The following ZNF407 variants were observed in gnomAD, a reference collection of about 807,000 sequenced individuals.
ZNF407 encodes zinc finger protein 407.
In ZNF407, 17 loss-of-function variants were observed where a neutral mutation model predicts 131.2. That is an observed-to-expected ratio of 0.13 (90% confidence interval 0.09 to 0.19). The LOEUF (loss-of-function observed/expected upper bound fraction) is 0.19, where lower values mean the gene tolerates loss of function less well. Ranked by LOEUF, ZNF407 falls within the 10% of genes least tolerant of loss-of-function variation. ZNF407 has a pLI of 1.00. For synonymous variants in ZNF407, 1,156 were observed against 1,062.0 expected, an observed-to-expected ratio of 1.09 and a Z score of -1.72; for missense variants, 2,681 against 2,830.6, an observed-to-expected ratio of 0.95 and a Z score of 1.20.
rs3992949 is a variant in ZNF407, at chr18:74,789,855, GTT to G, written c.4877+8367_4877+8368del. Among the ~76,000 whole-genome samples, 721 of 138,598 alleles carry G rather than the reference GTT, an allele frequency of 5.2e-3. 3 individuals carry two copies. The highest frequency in any genetic ancestry group is 0.015 in the African/African-American group (578 of 37,800). 90.9% of individuals were successfully genotyped at this position (138,598 alleles called of 152,430 possible). ...AATCTTTCCCTTATCTTTGTATCTG[GTT>G]TTTTTTTTTTTTTCCTCTGTACTTT... is the stretch of plus-strand genomic sequence containing the variant. On this transcript the variant is annotated intron_variant, in intron 4 of 8. Transcript: ENST00000299687.
chr18:74,920,279 T>C (rs1195974080), intron 7 of ZNF407, among the ~76,000 whole-genome samples: 1 of 152,188 alleles, frequency 6.6e-6, no homozygotes, highest in African/African-American at 2.4e-5. Flanking sequence ...TGGGATTTGG[T>C]ATTTCTGGTT....
intron 3 of ZNF407, among the ~76,000 whole-genome samples, chr18:74,734,709 G>GTT (rs869120395): frequency 4.3e-5 from 5 of 115,976 alleles, no homozygotes; most frequent in African/African-American, 2.5e-4. Flanking sequence ...GTGTGTGTGT[G>GTT]TTTTTGAGAG....
At chr18:74,638,401 A>G (rs1984558331) in intron 2 of ZNF407, among the ~76,000 whole-genome samples, 1 of 152,194 alleles carries the variant, frequency 6.6e-6, no homozygotes, top group Non-Finnish European at 1.5e-5. Context: ...AAGTGTTTGA[A>G]TGTTTAGGGA....
intron 3 of ZNF407, among the ~76,000 whole-genome samples, chr18:74,641,848 T>C (rs1984735584): frequency 6.6e-6 from 1 of 152,208 alleles, no homozygotes. Flanking sequence ...AGGTGGGTTT[T>C]AATACCCTGC....
rs141933053 is a variant in ZNF407, at chr18:74,771,373, G to A, written c.4803-10055G>A. 3.1e-3 allele frequency among the ~76,000 whole-genome samples: 478 copies of A among 152,082 alleles called. 5 individuals are homozygous for A. Among genetic ancestry groups the A allele is most frequent in the Middle Eastern group, 0.017 (5 of 290 alleles). ...AGATTTGAATACCTTTGAACTGCAG[G>A]TTTTTCCGTATTGTTTATTTAACAT... On this transcript the variant is annotated intron_variant, in intron 3 of 8. Transcript: ENST00000299687.
intron 4 of ZNF407, among the ~76,000 whole-genome samples, chr18:74,794,293 C>T (rs1969879735): frequency 6.6e-6 from 1 of 152,144 alleles, no homozygotes; most frequent in African/African-American, 2.4e-5. Context: ...TTGATGTTAG[C>T]CAGTAAGGAT....
In ZNF407 at chr18:74,918,268, C is replaced by T. The variant is rs192141107; in HGVS notation, c.5250-2246C>T. ...AAGCTGGCTGTGGTGTACTTGAAAA[C>T]ATACCAACATTCTGGCCTTGAAAAC... On this transcript the variant is annotated intron_variant, in intron 7 of 8. Coordinates refer to ENST00000299687, the MANE Select transcript of ZNF407 (RefSeq NM_017757.3). Among the ~76,000 whole-genome samples the T allele has an allele frequency of 1.2e-4, 18 of 152,304 alleles. No homozygotes were observed. The East Asian group carries it at 3.5e-3, about 29-fold the overall frequency.
intron 3 of ZNF407, among the ~76,000 whole-genome samples, chr18:74,755,839 C>T (rs371503779): frequency 3.3e-5 from 4 of 121,130 alleles, no homozygotes; most frequent in African/African-American, 7.0e-5. Flanking sequence ...TCCCTTCCCT[C>T]CCTCCCTTCC....
chr18:74,760,136 A>G (rs1969062178), intron 3 of ZNF407, among the ~76,000 whole-genome samples: 1 of 152,146 alleles, frequency 6.6e-6, no homozygotes, highest in Non-Finnish European at 1.5e-5. Context: ...TAACGTCTGT[A>G]TTCTTTGTCA....
intron 4 of ZNF407, among the ~76,000 whole-genome samples, chr18:74,792,091 G>T: frequency 6.6e-6 from 1 of 152,040 alleles, no homozygotes; most frequent in East Asian, 1.9e-4. Context: ...CTCCTTGGTT[G>T]GCAGATTTTG....
intron 8 of ZNF407, among the ~76,000 whole-genome samples, chr18:75,033,845 C>CAG (rs147923728): frequency 0.061 from 9,299 of 152,186 alleles, 600 homozygotes; most frequent in African/African-American, 0.16. Context: ...TTAAAAGAAA[C>CAG]AGTGATAAGA....
intron 3 of ZNF407, among the ~76,000 whole-genome samples, chr18:74,695,432 C>A (rs1356966459): frequency 6.6e-6 from 1 of 152,060 alleles, no homozygotes; most frequent in Non-Finnish European, 1.5e-5. Flanking sequence ...TTAATGTGCA[C>A]CAGCTAAGAC....
intron 4 of ZNF407, among the ~76,000 whole-genome samples, chr18:74,812,183 T>C (rs976728576): frequency 4.6e-5 from 7 of 152,350 alleles, no homozygotes; most frequent in African/African-American, 1.7e-4. Flanking sequence ...TCTGGATTTG[T>C]GTCTTCGCTT....
intron 4 of ZNF407, among the ~76,000 whole-genome samples, chr18:74,840,171 C>T (rs1440058620): frequency 1.3e-5 from 2 of 152,186 alleles, no homozygotes; most frequent in Non-Finnish European, 2.9e-5. Flanking sequence ...TGGTCTTTCC[C>T]GTACCTTACT....
intron 1 of ZNF407, chr18:74,598,642 G>T (rs914678990): frequency 2.0e-5 from 3 of 152,300 alleles, no homozygotes; most frequent in African/African-American, 7.2e-5. Flanking sequence ...AAAGCACCGC[G>T]GTGGCAGCGA....
chr18:75,033,384 C>A (rs79564101), intron 8 of ZNF407, among the ~76,000 whole-genome samples: 4,499 of 152,290 alleles, frequency 0.03, 95 homozygotes, highest in African/African-American at 0.054. Context: ...TCAGCAACTT[C>A]GTTTTTGTTT....
At chr18:74,813,090 G>A (rs560222657) in intron 4 of ZNF407, among the ~76,000 whole-genome samples, 14 of 152,282 alleles carry the variant, frequency 9.2e-5, no homozygotes, top group African/African-American at 3.4e-4. Context: ...GGCCCCGATG[G>A]TGTGATATGA....
intron 3 of ZNF407, among the ~76,000 whole-genome samples, chr18:74,768,200 C>T (rs536007011): frequency 2.5e-4 from 38 of 152,214 alleles, no homozygotes; most frequent in Admixed American, 1.0e-3. Context: ...CAGGTTGGCA[C>T]ATCTCGCCTG....
intron 8 of ZNF407, among the ~76,000 whole-genome samples, chr18:74,962,542 T>C (rs1166560796): frequency 6.6e-6 from 1 of 152,242 alleles, no homozygotes; most frequent in Non-Finnish European, 1.5e-5. Flanking sequence ...CCCGCCACTC[T>C]TGGGCTCATT....
Sources: allele counts gnomAD v4.1 joint callset (sites outside exome capture counted in the v4.1 genomes callset), GRCh38; gene constraint gnomAD v4.1.1; transcripts MANE v1.5; gene names NCBI Gene and HGNC (gene_info 2026-07-23, HGNC 2026-07-21).